Variants in KCNIP4 observed in about 807,000 individuals in gnomAD.
KCNIP4 encodes the protein potassium voltage-gated channel interacting protein 4.
Under a neutral mutation model 34.0 loss-of-function variants are expected in KCNIP4, and 12 were observed. That is an observed-to-expected ratio of 0.35 (90% CI 0.23 to 0.57). The LOEUF (loss-of-function observed/expected upper bound fraction) is 0.57, where lower values mean the gene tolerates loss of function less well. Among genes scored for constraint, KCNIP4 ranks in the 20% least tolerant of loss-of-function variants. KCNIP4 has a pLI of 0.83. For synonymous variants in KCNIP4, 124 were observed against 102.2 expected, an observed-to-expected ratio of 1.21 and a Z score of -1.29; for missense variants, 238 against 311.7, an observed-to-expected ratio of 0.76 and a Z score of 1.78.
At chr4:21,739,270 G>A (rs1175945694) in intron 1 of KCNIP4, among the ~76,000 whole-genome samples, 1 of 152,038 alleles carries the variant, frequency 6.6e-6, no homozygotes, top group African/African-American at 2.4e-5. Context: ...CCATACAACT[G>A]TGTTATAGGA....
chr4:21,612,364 A>C (rs10011740), intron 1 of KCNIP4, among the ~76,000 whole-genome samples: 128,690 of 152,224 alleles, frequency 0.85, 54,837 homozygotes, highest in East Asian at 0.97. Flanking sequence ...GTAGTCCAAT[A>C]TACTCAGGAG....
At chr4:21,778,616 G>C (rs1427155167) in intron 1 of KCNIP4, among the ~76,000 whole-genome samples, 1 of 152,036 alleles carries the variant, frequency 6.6e-6, no homozygotes. Flanking sequence ...ACTGCATATT[G>C]TAACATAAAA....
At chr4:20,807,876 A>G (rs963230469) in intron 3 of KCNIP4, among the ~76,000 whole-genome samples, 2 of 152,192 alleles carry the variant, frequency 1.3e-5, no homozygotes, top group Admixed American at 1.3e-4. Flanking sequence ...ACTATGGAAG[A>G]TAACGATGTC....
At chr4:21,883,234 C>T (rs543892277) in intron 1 of KCNIP4, among the ~76,000 whole-genome samples, 1 of 147,858 alleles carries the variant, frequency 6.8e-6, no homozygotes, top group South Asian at 2.4e-4. Context: ...CAGCCTTATA[C>T]TCCTGGCCTC....
intron 1 of KCNIP4, among the ~76,000 whole-genome samples, chr4:21,289,927 C>G (rs1186791987): frequency 6.6e-6 from 1 of 152,040 alleles, no homozygotes; most frequent in East Asian, 1.9e-4. Flanking sequence ...TTTTCCCTTG[C>G]AGAGGAAATG....
intron 1 of KCNIP4, among the ~76,000 whole-genome samples, chr4:21,768,813 CAAG>C (rs1202685287): frequency 1.3e-5 from 2 of 152,024 alleles, no homozygotes; most frequent in African/African-American, 4.8e-5. Flanking sequence ...ATACAGCCTT[CAAG>C]AACACACAAT....
intron 1 of KCNIP4, among the ~76,000 whole-genome samples, chr4:20,944,244 C>T: frequency 6.6e-6 from 1 of 152,174 alleles, no homozygotes; most frequent in East Asian, 1.9e-4. Flanking sequence ...CTCTGGCCAC[C>T]ATGAGTGATC....
chr4:21,252,438 T>C (rs1760782770), intron 1 of KCNIP4, among the ~76,000 whole-genome samples: 1 of 151,992 alleles, frequency 6.6e-6, no homozygotes, highest in South Asian at 2.1e-4. Flanking sequence ...CCAAGGTATG[T>C]TTTAAGTAGA....
intron 1 of KCNIP4, among the ~76,000 whole-genome samples, chr4:21,575,867 T>A (rs1740709752): frequency 6.6e-6 from 1 of 152,182 alleles, no homozygotes; most frequent in Admixed American, 6.5e-5. Flanking sequence ...CATACAAATC[T>A]GCATATGATC....
chr4:20,734,091 TA>T (rs1399071730), intron 6 of KCNIP4, among the ~76,000 whole-genome samples: 2 of 152,216 alleles, frequency 1.3e-5, no homozygotes, highest in African/African-American at 4.8e-5. Context: ...GTGGTTAACT[TA>T]CTCCATCCCT....
intron 1 of KCNIP4, among the ~76,000 whole-genome samples, chr4:21,136,503 A>T (rs1560754000): frequency 6.6e-6 from 1 of 152,218 alleles, no homozygotes; most frequent in Non-Finnish European, 1.5e-5. Context: ...TAGAAGTTAC[A>T]GTGTGCTGAA....
intron 1 of KCNIP4, among the ~76,000 whole-genome samples, chr4:21,746,073 G>C (rs964459247): frequency 1.3e-5 from 2 of 152,072 alleles, no homozygotes; most frequent in Admixed American, 6.6e-5. Flanking sequence ...CCACATTCTT[G>C]CTCTGTCCCC....
intron 1 of KCNIP4, among the ~76,000 whole-genome samples, chr4:21,758,039 G>A (rs1341952881): frequency 2.6e-5 from 4 of 152,120 alleles, no homozygotes; most frequent in African/African-American, 9.7e-5. Flanking sequence ...TAATTTTACT[G>A]TAAGAAATAA....
At chr4:21,809,234 G>A (rs10022724) in intron 1 of KCNIP4, among the ~76,000 whole-genome samples, 11,748 of 152,118 alleles carry the variant, frequency 0.077, 1,560 homozygotes, top group African/African-American at 0.27. Flanking sequence ...AAAAGGTGGA[G>A]GAAGGGCAAA....
chr4:21,700,773 A>G (rs1482969541), intron 1 of KCNIP4, among the ~76,000 whole-genome samples: 2 of 152,098 alleles, frequency 1.3e-5, no homozygotes. Context: ...ATATTTTTGT[A>G]TATGATGTGA....
chr4:20,812,661 A>C (rs187528500), intron 3 of KCNIP4, among the ~76,000 whole-genome samples: 1 of 152,280 alleles, frequency 6.6e-6, no homozygotes, highest in African/African-American at 2.4e-5. Context: ...TGGGCAAGTG[A>C]CCAACTTTAG....
chr4:21,698,514 A>T (rs370333123), intron 1 of KCNIP4, among the ~76,000 whole-genome samples: 1 of 152,170 alleles, frequency 6.6e-6, no homozygotes, highest in Non-Finnish European at 1.5e-5. Flanking sequence ...CTTTTAAGAC[A>T]TTGGGATAGA....
At chr4:21,535,156 C>T (rs1737044669) in intron 1 of KCNIP4, among the ~76,000 whole-genome samples, 1 of 152,130 alleles carries the variant, frequency 6.6e-6, no homozygotes, top group East Asian at 1.9e-4. Context: ...AGGCTTAACA[C>T]AGGCTTAAAT....
Position 21,216,236 on chromosome 4 carries a change from T to C in KCNIP4, c.62-333527A>G, listed in dbSNP as rs144257990. ...TCCATGGATATTTCTGATGTGCTAT[T>C]ATTAAATTACACATTTAAAAAGATA... On this transcript the variant is annotated intron_variant, in intron 1 of 8. Transcript: ENST00000382152. Among the ~76,000 whole-genome samples the C allele has an allele frequency of 4.5e-4, 69 of 152,362 alleles. No homozygotes were observed. The Middle Eastern group carries it at 0.01, about 23-fold the overall frequency.
Sources: allele counts gnomAD v4.1 joint callset (sites outside exome capture counted in the v4.1 genomes callset), GRCh38; gene constraint gnomAD v4.1.1; transcripts MANE v1.5; gene names NCBI Gene and HGNC (gene_info 2026-07-23, HGNC 2026-07-21).